The following ADORA2B variants were observed in gnomAD, a reference collection of about 807,000 sequenced individuals.
The protein encoded by ADORA2B is adenosine receptor A2b.
Under a neutral mutation model 20.8 loss-of-function variants are expected in ADORA2B, and 18 were observed. That is an observed-to-expected ratio of 0.87 (90% CI 0.60 to 1.29). The LOEUF is 1.29. Among genes scored for constraint, ADORA2B ranks in the 50% most tolerant of loss-of-function variants. The probability of loss-of-function intolerance (pLI) is 0.00; values close to 1 mark genes in which losing one functional copy is unlikely to be tolerated. For missense variants in ADORA2B, 441 were observed against 422.7 expected (o/e 1.04, Z -0.38); for synonymous variants, 179 against 178.3 (o/e 1.00, Z -0.03).
chr17:15,881,012 A>G, the ADORA2B span, among the ~76,000 whole-genome samples: 2 of 152,226 alleles, frequency 1.3e-5, no homozygotes, highest in South Asian at 2.1e-4. Context: ...TGCCAAATGA[A>G]GTTCACTTAG....
chr17:15,874,026 G>T, the ADORA2B span, among the ~76,000 whole-genome samples: 31,556 of 138,176 alleles, frequency 0.23, 3,914 homozygotes, highest in Non-Finnish European at 0.28. Context: ...AAGAAAATGT[G>T]ACTGTATATA....
intron 1 of ADORA2B, among the ~76,000 whole-genome samples, chr17:15,966,454 T>C (rs997675670): frequency 6.6e-6 from 1 of 152,192 alleles, no homozygotes; most frequent in Admixed American, 6.5e-5. Context: ...CCTTGAGAGC[T>C]GGGAATTGAT....
intron 1 of ADORA2B, among the ~76,000 whole-genome samples, chr17:15,965,464 A>G (rs151214843): frequency 6.6e-6 from 1 of 152,196 alleles, no homozygotes; most frequent in Non-Finnish European, 1.5e-5. Context: ...CTGGGTGGTC[A>G]TGAGCTGCCC....
At chr17:15,936,352 C>T in the ADORA2B span, among the ~76,000 whole-genome samples, 2 of 151,112 alleles carry the variant, frequency 1.3e-5, no homozygotes, top group Non-Finnish European at 3.0e-5. Flanking sequence ...GAGTCTTTCT[C>T]TTGTCACCCA....
chr17:15,909,586 G>A, the ADORA2B span, among the ~76,000 whole-genome samples: 1 of 151,918 alleles, frequency 6.6e-6, no homozygotes, highest in Non-Finnish European at 1.5e-5. Flanking sequence ...TTTGACCTCC[G>A]GTTCTTTAAC....
chr17:15,943,220 C>T (rs546078155), upstream of ADORA2B, among the ~76,000 whole-genome samples: 14 of 152,342 alleles, frequency 9.2e-5, no homozygotes, highest in Admixed American at 7.2e-4. Flanking sequence ...TCATCCCACC[C>T]AGCTAGGAGG....
At chr17:15,938,331 C>T in the ADORA2B span, among the ~76,000 whole-genome samples, 15 of 152,124 alleles carry the variant, frequency 9.9e-5, no homozygotes, top group Admixed American at 7.2e-4. Flanking sequence ...GAGATGGAGT[C>T]CCACTCTGTC....
the ADORA2B span, among the ~76,000 whole-genome samples, chr17:15,931,394 T>C: frequency 2.0e-5 from 3 of 152,214 alleles, no homozygotes; most frequent in Non-Finnish European, 4.4e-5. Flanking sequence ...TCTGATATCT[T>C]TGAAGGACAT....
the ADORA2B span, among the ~76,000 whole-genome samples, chr17:15,883,905 A>G: frequency 6.6e-6 from 1 of 152,336 alleles, no homozygotes; most frequent in Admixed American, 6.5e-5. Context: ...TGGTGACGGA[A>G]TTAAAGCTAG....
chr17:15,879,786 C>T, the ADORA2B span, among the ~76,000 whole-genome samples: 1 of 150,392 alleles, frequency 6.6e-6, no homozygotes, highest in Non-Finnish European at 1.5e-5. Context: ...ATCCGCCTGC[C>T]TCGGCCTCCC....
chr17:15,938,186 AAAG>A, the ADORA2B span, among the ~76,000 whole-genome samples: 19 of 152,278 alleles, frequency 1.2e-4, no homozygotes, highest in Admixed American at 7.2e-4. Context: ...GAGAGAAAAA[AAAG>A]AAGGAAGGAA....
chr17:15,867,984 G>T, the ADORA2B span, among the ~76,000 whole-genome samples: 1 of 151,008 alleles, frequency 6.6e-6, no homozygotes, highest in Non-Finnish European at 1.5e-5. Flanking sequence ...TGTCTGTGTA[G>T]AAAGAGGTAG....
At chr17:15,899,642 A>T in the ADORA2B span, among the ~76,000 whole-genome samples, 14 of 152,066 alleles carry the variant, frequency 9.2e-5, no homozygotes, top group Non-Finnish European at 1.9e-4. Flanking sequence ...TCCCATCTTT[A>T]TGCCCATGAC....
At chr17:15,933,309 A>G in the ADORA2B span, among the ~76,000 whole-genome samples, 2 of 152,132 alleles carry the variant, frequency 1.3e-5, no homozygotes, top group Non-Finnish European at 2.9e-5. Context: ...GCATTTCCAT[A>G]TAATTTTTAG....
chr17:15,912,431 C>G, the ADORA2B span, among the ~76,000 whole-genome samples: 2 of 152,024 alleles, frequency 1.3e-5, no homozygotes, highest in South Asian at 4.1e-4. Flanking sequence ...GGCTGCCTGT[C>G]CTGAAGTGTT....
chr17:15,915,410 T>G, the ADORA2B span, among the ~76,000 whole-genome samples: 1 of 152,326 alleles, frequency 6.6e-6, no homozygotes, highest in South Asian at 2.1e-4. Context: ...GCTAACACAT[T>G]TACAGGTTCC....
chr17:15,932,807 T>C, the ADORA2B span, among the ~76,000 whole-genome samples: 1 of 152,222 alleles, frequency 6.6e-6, no homozygotes, highest in Non-Finnish European at 1.5e-5. Context: ...TCAATCTATA[T>C]GTCTGCCCTT....
the ADORA2B span, among the ~76,000 whole-genome samples, chr17:15,933,722 AG>A: frequency 6.6e-6 from 1 of 152,046 alleles, no homozygotes; most frequent in Non-Finnish European, 1.5e-5. Context: ...TGGATCTCTT[AG>A]GGTTTTCTAT....
the ADORA2B span, among the ~76,000 whole-genome samples, chr17:15,922,457 A>G: frequency 2.6e-5 from 4 of 152,166 alleles, no homozygotes; most frequent in Non-Finnish European, 4.4e-5. Flanking sequence ...TGTAGCATCA[A>G]TTATCTAGTC....
Sources: allele counts gnomAD v4.1 joint callset (sites outside exome capture counted in the v4.1 genomes callset), GRCh38; gene constraint gnomAD v4.1.1; transcripts MANE v1.5; gene names NCBI Gene and HGNC (gene_info 2026-07-23, HGNC 2026-07-21).